Variants in KIF9 observed in about 807,000 individuals in gnomAD.
The protein encoded by KIF9 is kinesin-like protein KIF9.
Under a neutral mutation model 94.8 loss-of-function variants are expected in KIF9, and 68 were observed. The ratio of observed to expected loss-of-function variants is 0.72; its 90% confidence interval spans 0.59 to 0.88. KIF9 has a LOEUF of 0.88. KIF9 is among the 40% of genes least tolerant of loss of function. The pLI is 0.00. For missense variants in KIF9, 882 were observed against 982.5 expected (o/e 0.90, Z 1.37); for synonymous variants, 343 against 362.1 (o/e 0.95, Z 0.60).
chr3:47,271,357 G>C lies in KIF9; in HGVS notation c.471C>G (p.Pro157=), dbSNP rs1701635286. 3 of 1,613,864 alleles carry C rather than the reference G, an allele frequency of 1.9e-6. No homozygotes were observed. The highest frequency in any genetic ancestry group is 1.6e-4 in the Middle Eastern group (1 of 6,062). ...TTGGTGTGACTGAGGGTCCAACATAGGGCAGAGTGGACAGGAGATCAAACA... is the reference window on the plus strand; with the variant it reads ...TTGGTGTGACTGAGGGTCCAACATACGGCAGAGTGGACAGGAGATCAAACA... The part of the protein sequence containing the change: ...ESLFDLLSTL[P]YVGPSVTPMT... Residue 157 remains proline (P), a synonymous_variant, in exon 5 of 21, where the codon CCC becomes CCG. Coordinates refer to ENST00000684063, the MANE Select transcript of KIF9 (RefSeq NM_182902.4).
chr3:47,230,274 C>T (rs1284174860), intron 20 of KIF9, among the ~76,000 whole-genome samples: 3 of 113,520 alleles, frequency 2.6e-5, no homozygotes, highest in Non-Finnish European at 3.6e-5. Context: ...AGAGCAAGAC[C>T]TTGTCAAAAA....
chr3:47,255,792 G>T (rs1277075370), intron 10 of KIF9, among the ~76,000 whole-genome samples: 1 of 150,586 alleles, frequency 6.6e-6, no homozygotes, highest in Non-Finnish European at 1.5e-5. Context: ...TCTTTCCACG[G>T]TCTCCCTCTG....
At chr3:47,248,167 C>T (rs1413204245) in intron 10 of KIF9, 81 bp from the exon 11 acceptor site, 1 of 1,021,864 alleles carries the variant, frequency 9.8e-7, no homozygotes, top group East Asian at 2.4e-5. Context: ...AGCAAAAGTA[C>T]AATTCCTCAT....
rs771195057 is a variant in KIF9, at chr3:47,240,854, A to C, written c.1871T>G (p.Ile624Ser). 3.8e-5 allele frequency: 61 copies of C among 1,613,706 alleles called. No individual in the cohort carries two copies. Among genetic ancestry groups the C allele is most frequent in the Non-Finnish European group, 5.1e-5 (60 of 1,179,942 alleles). Residue 624 changes from isoleucine to serine, a missense_variant, in exon 17 of 21, where the codon ATT (isoleucine) becomes AGT (serine). Coordinates refer to ENST00000684063, the MANE Select transcript of KIF9 (RefSeq NM_182902.4). ...TQHINAIKREIDVTKEALNFQ... is the reference protein window; with the variant it reads ...TQHINAIKRESDVTKEALNFQ... ...ATTCAGGGCCTCCTTGGTCACATCA[A>C]TCTCCCGCTTGATGGCATTGATGTG...
At chr3:47,275,964 C>T (rs972725592) in intron 2 of KIF9, among the ~76,000 whole-genome samples, 2 of 152,166 alleles carry the variant, frequency 1.3e-5, no homozygotes, top group African/African-American at 4.8e-5. Context: ...CTTCCACACA[C>T]ACGCTATGAG....
Position 47,246,199 on chromosome 3 carries a change from C to G in KIF9, c.1287G>C (p.Leu429=). 1 of 1,613,402 alleles carries G rather than the reference C, an allele frequency of 6.2e-7. No individual in the cohort carries two copies. The highest frequency in any genetic ancestry group is 8.5e-7 in the Non-Finnish European group (1 of 1,179,576). ...AGGTAGGGGTGGGGGTCTCTCACCT[C>G]AGAACCACCCGGAACTGGTTGAACA... is the stretch of plus-strand genomic sequence containing the variant. The part of the protein sequence containing the change: ...KEVFNQFRVV[L]SQQEQEVEST... Residue 429 remains leucine (L), a splice_region_variant and synonymous_variant, in exon 13 of 21, where the codon CTG becomes CTC. Coordinates refer to ENST00000684063, the MANE Select transcript of KIF9 (RefSeq NM_182902.4).
chr3:47,277,244 G>A (rs1273670961), intron 2 of KIF9, 38 bp downstream of exon 2: 10 of 1,461,626 alleles, frequency 6.8e-6, no homozygotes, highest in Non-Finnish European at 9.6e-6. Context: ...GTGGGACAGA[G>A]AGGCCCAGTC....
At position 47,241,891 on chromosome 3, in the gene KIF9, T is replaced by A. The variant is rs867125864; in HGVS notation, c.1710-876A>T. The stretch of plus-strand genomic sequence containing the variant: ...ATATATATATATATATATATTTTTT[T>A]TTTTTTTTCTTTGGAGACAGCATGC... On this transcript the variant is annotated intron_variant, in intron 16 of 20. Transcript: ENST00000684063. Among the ~76,000 whole-genome samples the A allele has an allele frequency of 8.9e-3, 1,264 of 141,876 alleles. 12 individuals carry two copies. The highest frequency in any genetic ancestry group is 0.055 in the Middle Eastern group (15 of 274). The allele number at this position is 141,876 out of a possible 152,430, so 93.1% of individuals were successfully genotyped here.
Position 47,239,848 on chromosome 3 carries a change from T to C in KIF9, c.1924+953A>G, listed in dbSNP as rs148363220. The C allele has an allele frequency of 5.1e-5, 70 of 1,367,730 alleles. No homozygotes were observed. The African/African-American group carries it at 7.2e-4, about 14-fold the overall frequency. The allele number at this position is 1,367,730 out of a possible 1,614,324, so 84.7% of individuals were successfully genotyped here. On this transcript the variant is annotated intron_variant, in intron 17 of 20. Transcript: ENST00000684063. ...CCAAGTGACATCTGGAGATCACTCA[T>C]GGAAGCTGGCCTGGAACAGGGTTGT...
In KIF9 at chr3:47,228,570, G is replaced by C. The variant is rs1362617602; in HGVS notation, c.*82C>G. The C allele has an allele frequency of 4.3e-6, 5 of 1,150,436 alleles. No individual in the cohort carries two copies. The highest frequency in any genetic ancestry group is 6.6e-6 in the Non-Finnish European group (5 of 757,726). The allele number at this position is 1,150,436 out of a possible 1,614,324, so 71.3% of individuals were successfully genotyped here. ...CAGCATTGGAGTAGAGGGGGCTGCA[G>C]CTCTGGGCAGGTGGTTGAGCAGCTC... On this transcript the variant is annotated 3_prime_UTR_variant, in exon 21 of 21. Coordinates refer to ENST00000684063, the MANE Select transcript of KIF9 (RefSeq NM_182902.4).
At chr3:47,270,346 C>T (rs983822751) in intron 5 of KIF9, among the ~76,000 whole-genome samples, 13 of 151,544 alleles carry the variant, frequency 8.6e-5, no homozygotes, top group Non-Finnish European at 1.3e-4. Context: ...CAGTGCCTCC[C>T]GGGTTCAAGT....
At position 47,247,436 on chromosome 3, in the gene KIF9, G is replaced by C. The variant is rs1314077551; in HGVS notation, c.1170C>G (p.Ile390Met). Residue 390 changes from isoleucine to methionine, a missense_variant, in exon 12 of 21, where the codon ATC becomes ATG. Coordinates refer to ENST00000684063, the MANE Select transcript of KIF9 (RefSeq NM_182902.4). ...TFVTYDPMDE[I>M]QIAEINSQVR... is the part of the protein sequence containing the mutation. ...CCTGGGAGTTGATCTCAGCAATCTG[G>C]ATTTCATCCATGGGGTCATAGGTCA... The C allele has an allele frequency of 6.2e-7, 1 of 1,613,938 alleles. No individual in the cohort carries two copies. Among genetic ancestry groups the C allele is most frequent in the Non-Finnish European group, 8.5e-7 (1 of 1,179,820 alleles).
intron 19 of KIF9, 138 bp downstream of exon 19, chr3:47,235,896 C>G: frequency 1.5e-6 from 1 of 689,170 alleles, no homozygotes; most frequent in South Asian, 1.7e-5. Flanking sequence ...CTGTACCTGC[C>G]CACCTGCCTG....
At chr3:47,263,680 G>T (rs951077928) in intron 9 of KIF9, 1 of 355,564 alleles carries the variant, frequency 2.8e-6, no homozygotes, top group Admixed American at 3.8e-5. Context: ...TTCAGGAAAA[G>T]TTCCCCATCA....
At chr3:47,274,493 C>A (rs1701839253) in intron 3 of KIF9, among the ~76,000 whole-genome samples, 1 of 152,252 alleles carries the variant, frequency 6.6e-6, no homozygotes, top group Non-Finnish European at 1.5e-5. Context: ...GCCTTTGTCA[C>A]ACAGACACTC....
In KIF9 at chr3:47,241,865, C is replaced by CACATAT. The variant is rs1253041774; in HGVS notation, c.1710-851_1710-850insATATGT. Among the ~76,000 whole-genome samples, 6 of 109,386 alleles carry CACATAT rather than the reference C, an allele frequency of 5.5e-5. 1 individual carries two copies. The highest frequency in any genetic ancestry group is 2.4e-4 in the African/African-American group (6 of 24,568). 71.8% of individuals were successfully genotyped at this position (109,386 alleles called of 152,430 possible). On this transcript the variant is annotated intron_variant, in intron 16 of 20. Coordinates refer to ENST00000684063, the MANE Select transcript of KIF9 (RefSeq NM_182902.4). ...TAAAATATATATATATATATATACA[C>CACATAT]ATATATATATATATATATATTTTTT...
intron 10 of KIF9, among the ~76,000 whole-genome samples, chr3:47,256,905 G>A (rs1292963729): frequency 6.6e-6 from 1 of 152,070 alleles, no homozygotes; most frequent in Non-Finnish European, 1.5e-5. Context: ...GATTAAGGGC[G>A]GTGCAAGATG....
At position 47,254,365 on chromosome 3, in the gene KIF9, A is replaced by G. The variant is rs6777188; in HGVS notation, c.1059+3118T>C. 2.2e-3 allele frequency among the ~76,000 whole-genome samples: 334 copies of G among 151,886 alleles called. 1 individual carries two copies. Among genetic ancestry groups the G allele is most frequent in the African/African-American group, 7.5e-3 (309 of 41,424 alleles). On this transcript the variant is annotated intron_variant, in intron 10 of 20. Transcript: ENST00000684063. ...CCCAGCTACTTGGGAGGCTGAGGCA[A>G]GAGAATAGCTTGAGCCTGGGAGGGA...
chr3:47,255,606 C>A (rs1700522749), intron 10 of KIF9, among the ~76,000 whole-genome samples: 1 of 152,206 alleles, frequency 6.6e-6, no homozygotes. Flanking sequence ...AATCACCTGA[C>A]TGATGTTGAA....
Sources: gnomAD v4.1 joint callset for allele counts (sites outside exome capture counted in the v4.1 genomes callset) on GRCh38, gnomAD v4.1.1 for gene constraint, MANE v1.5 for transcripts, NCBI Gene and HGNC (gene_info 2026-07-23, HGNC 2026-07-21) for gene names.